Variants in RECQL observed in about 807,000 individuals in gnomAD.
RECQL encodes the protein ATP-dependent DNA helicase Q1.
In RECQL, 73 loss-of-function variants were observed where a neutral mutation model predicts 75.8. The observed-to-expected ratio is 0.96, with a 90% CI of 0.80 to 1.17. The LOEUF (loss-of-function observed/expected upper bound fraction) is 1.17. Ranked by LOEUF, RECQL falls within the 50% of genes most tolerant of loss-of-function variation. RECQL has a pLI of 0.00. For synonymous variants in RECQL, 248 were observed against 254.4 expected (o/e 0.97, Z 0.24); for missense variants, 699 against 772.1 (o/e 0.91, Z 1.12).
rs146077019 is a variant in RECQL, at chr12:21,471,630, T to C, written c.1465A>G (p.Ile489Val). The C allele has an allele frequency of 1.6e-4, 259 of 1,612,524 alleles. No homozygotes were observed. The highest frequency in any genetic ancestry group is 1.5e-3 in the Middle Eastern group (9 of 6,054). The change falls in exon 13 of 15, where the codon ATA (isoleucine) becomes GTA (valine). Residue 489 changes from isoleucine to valine, a missense_variant. This residue lies in a region of RECQL where 669 missense variants were observed against 713.5 expected (regional missense o/e 0.94). Coordinates refer to ENST00000444129, the MANE Select transcript of RECQL (RefSeq NM_002907.4). ...ATTAGATCTCTGCAGTACTCTGTTA[T>C]GTTCTTTCTTTCAAATGCTGTAATA... The part of the protein sequence containing the change: ...CKDSAFERKN[I>V]TEYCRDLIKI...
In RECQL at chr12:21,471,458, A is replaced by G. The variant is rs909277838; in HGVS notation, c.1637T>C (p.Ile546Thr). The G allele has an allele frequency of 1.2e-6, 2 of 1,613,022 alleles. No individual in the cohort carries two copies. The highest frequency in any genetic ancestry group is 2.2e-5 in the East Asian group (1 of 44,842). ...TLPREDLEKI[I>T]AHFLIQQYLK... ...ATACTGCTGTATTAGAAAGTGTGCA[A>G]TAATCTTCTCCAGATCTTCACGAGG... The change falls in exon 13 of 15, where the codon ATT (isoleucine) becomes ACT (threonine). Residue 546 changes from isoleucine to threonine, a missense_variant. Around this residue, in one of 2 missense-constraint regions of RECQL, gnomAD observed 669 missense variants for 713.5 expected, o/e 0.94. Transcript: ENST00000444129.
intron 5 of RECQL, among the ~76,000 whole-genome samples, chr12:21,485,575 A>T (rs1212663154): frequency 6.6e-6 from 1 of 152,120 alleles, no homozygotes; most frequent in Non-Finnish European, 1.5e-5. Context: ...ATGAGATAGA[A>T]ATCTGAATTT....
rs777876456 is a variant in RECQL at position 21,499,545 on chromosome 12, T to C, written c.16+10A>G. 1.3e-6 allele frequency: 2 copies of C among 1,584,026 alleles called. No individual in the cohort carries two copies. The highest frequency in any genetic ancestry group is 1.7e-6 in the Non-Finnish European group (2 of 1,166,338). ...AGAAGGAAGAAGAAAATGTAATCATTGCTACTAACCTGAAACGGACGCCAT... is the reference window on the plus strand; with the variant it reads ...AGAAGGAAGAAGAAAATGTAATCATCGCTACTAACCTGAAACGGACGCCAT... On this transcript the variant is annotated intron_variant, in intron 2 of 14. Transcript: ENST00000444129.
chr12:21,486,619 CT>C, intron 4 of RECQL, 34 bp from the exon 5 acceptor site: 1 of 1,106,802 alleles, frequency 9.0e-7, no homozygotes, highest in Non-Finnish European at 1.3e-6. Flanking sequence ...CTACCTTAAA[CT>C]TTACACCACC....
intron 5 of RECQL, among the ~76,000 whole-genome samples, chr12:21,485,559 A>C (rs945285398): frequency 1.3e-5 from 2 of 152,082 alleles, no homozygotes; most frequent in South Asian, 2.1e-4. Flanking sequence ...TAAAAAAAAC[A>C]TAAAAATGAG....
In RECQL at chr12:21,474,890, CCA is replaced by C. The variant is rs756316233; in HGVS notation, c.1304_1305del (p.Val435GlyfsTer7). The C allele has an allele frequency of 6.2e-7, 1 of 1,613,106 alleles. No homozygotes were observed. Among genetic ancestry groups the C allele is most frequent in the Non-Finnish European group, 8.5e-7 (1 of 1,179,194 alleles). On this transcript the variant is annotated frameshift_variant, in exon 11 of 15. Coordinates refer to ENST00000444129, the MANE Select transcript of RECQL (RefSeq NM_002907.4). LOFTEE classifies it high-confidence loss of function. Reference sequence around the variant, plus strand: ...ACCATCTCATAAAGCTTCTGCTGTCCCACATTTTCCATCACCACCATTGAACT... The same window carrying C: ...ACCATCTCATAAAGCTTCTGCTGTCCCATTTTCCATCACCACCATTGAACT... ...RISSMVVMEN[V>X]GQQKLYEMVS...
chr12:21,487,391 A>G (rs1423552963), intron 4 of RECQL, among the ~76,000 whole-genome samples: 1 of 152,224 alleles, frequency 6.6e-6, no homozygotes, highest in Non-Finnish European at 1.5e-5. Context: ...AGTAGAAATC[A>G]GTGAACAGTT....
At chr12:21,491,393 C>A in intron 3 of RECQL, 126 bp downstream of exon 3, 1 of 842,988 alleles carries the variant, frequency 1.2e-6, no homozygotes, top group South Asian at 1.9e-5. Context: ...TTTCCCATTC[C>A]ACTGGAGAAA....
In RECQL at chr12:21,469,346, T is replaced by A. The variant is rs1942869120; in HGVS notation, c.*848A>T. On this transcript the variant is annotated 3_prime_UTR_variant, in exon 15 of 15. Transcript: ENST00000444129. ...TGCAGCCCAACACAAATCTGTAAAC[T>A]TTCTTAAAACATGAGATTTTTCTTG... is the stretch of plus-strand genomic sequence containing the variant. 1 of 152,098 alleles carries A rather than the reference T, an allele frequency of 6.6e-6. No individual in the cohort carries two copies. Among genetic ancestry groups the A allele is most frequent in the South Asian group, 2.1e-4 (1 of 4,828 alleles). The allele number at this position is 152,098 out of a possible 1,614,324, so 9.4% of individuals were successfully genotyped here.
chr12:21,471,986 TTC>T (rs1942979167), intron 12 of RECQL, among the ~76,000 whole-genome samples: 1 of 152,110 alleles, frequency 6.6e-6, no homozygotes, highest in Non-Finnish European at 1.5e-5. Context: ...ACCCTGTCTG[TTC>T]TAGTATAGGC....
chr12:21,496,158 T>C (rs1943504542), intron 2 of RECQL, among the ~76,000 whole-genome samples: 1 of 152,248 alleles, frequency 6.6e-6, no homozygotes, highest in South Asian at 2.1e-4. Context: ...ATGACTTCCA[T>C]GTCGCATTCA....
intron 3 of RECQL, among the ~76,000 whole-genome samples, chr12:21,490,605 G>T: frequency 6.6e-6 from 1 of 152,122 alleles, no homozygotes; most frequent in East Asian, 1.9e-4. Flanking sequence ...AACAGTTTTG[G>T]GAGGCCTAAG....
intron 5 of RECQL, among the ~76,000 whole-genome samples, chr12:21,486,046 G>C (rs566560031): frequency 6.6e-6 from 1 of 152,076 alleles, no homozygotes; most frequent in East Asian, 1.9e-4. Context: ...ATACAAAACA[G>C]GTCAGCAAAT....
chr12:21,499,611 T>G lies in RECQL; in HGVS notation c.-41A>C, dbSNP rs750821817. On this transcript the variant is annotated 5_prime_UTR_variant, in exon 2 of 15. Transcript: ENST00000444129. ...ATTTGTTTCTAAAATAATCCAAATT[T>G]CTTTCTAAAAATAAAAGCACAACAG... 2.6e-6 allele frequency: 4 copies of G among 1,552,854 alleles called. No homozygotes were observed. Among genetic ancestry groups the G allele is most frequent in the Non-Finnish European group, 8.8e-7 (1 of 1,137,810 alleles).
At position 21,483,420 on chromosome 12, in the gene RECQL, T is replaced by A. The variant is rs1391037297; in HGVS notation, c.656A>T (p.Asp219Val). Residue 219 changes from aspartate to valine, a missense_variant, in exon 6 of 15, where the codon GAT (aspartate) becomes GTT (valine). Transcript: ENST00000444129. Reference protein sequence around the residue: ...EARRFTRIAVDEVHCCSQWGH... With the variant: ...EARRFTRIAVVEVHCCSQWGH... ...CCACTGACTACAGCAGTGAACTTCA[T>A]CCACAGCAATTCGAGTAAATCTCCT... 1 of 1,605,958 alleles carries A rather than the reference T, an allele frequency of 6.2e-7. No homozygotes were observed. The highest frequency in any genetic ancestry group is 8.5e-7 in the Non-Finnish European group (1 of 1,177,842).
At chr12:21,476,777 G>A (rs187412174) in intron 8 of RECQL, 134 bp downstream of exon 8, 173 of 481,402 alleles carry the variant, frequency 3.6e-4, no homozygotes, top group African/African-American at 3.1e-3. Context: ...ATTTTATCAC[G>A]TATTTTCAAG....
At position 21,471,108 on chromosome 12, in the gene RECQL, A is replaced by G; in HGVS notation, c.1668-10T>C. On this transcript the variant is annotated splice_polypyrimidine_tract_variant and intron_variant, in intron 13 of 14. Transcript: ENST00000444129. ...AAAACTGTAGTCTTCTCTGCAGAAA[A>G]TAAAGGCCAACAATAAGAAAGCTTT... 1 of 1,558,764 alleles carries G rather than the reference A, an allele frequency of 6.4e-7. No homozygotes were observed. Among genetic ancestry groups the G allele is most frequent in the Non-Finnish European group, 8.6e-7 (1 of 1,162,420 alleles).
intron 8 of RECQL, 42 bp downstream of exon 8, chr12:21,476,869 A>C: frequency 7.2e-7 from 1 of 1,395,548 alleles, no homozygotes; most frequent in Non-Finnish European, 9.9e-7. Context: ...TCACTTTTTG[A>C]AAGTTATCTC....
intron 12 of RECQL, 87 bp downstream of exon 12, chr12:21,473,464 C>T (rs1776292111): frequency 1.0e-6 from 1 of 972,400 alleles, no homozygotes; most frequent in Non-Finnish European, 1.6e-6. Flanking sequence ...ACAAAATCAC[C>T]TAGTGATGCA....
Sources: allele counts gnomAD v4.1 joint callset (sites outside exome capture counted in the v4.1 genomes callset), GRCh38; gene constraint gnomAD v4.1.1; regional missense constraint gnomAD v4.1.1; transcripts MANE v1.5; gene names NCBI Gene and HGNC (gene_info 2026-07-23, HGNC 2026-07-21).